Variants in VWA8 observed in about 807,000 individuals in gnomAD.
VWA8 encodes von Willebrand factor A domain-containing protein 8.
A neutral mutation model predicts 241.5 loss-of-function variants in VWA8; 221 were observed. The observed-to-expected ratio is 0.91, with a 90% CI of 0.82 to 1.02. VWA8 has a LOEUF of 1.02. VWA8 is among the 50% of genes least tolerant of loss of function. The pLI is 0.00. For missense variants in VWA8, 2,322 were observed against 2,328.7 expected (o/e 1.00, Z 0.06); for synonymous variants, 852 against 827.1 (o/e 1.03, Z -0.52).
intron 38 of VWA8, among the ~76,000 whole-genome samples, chr13:41,612,262 A>G (rs2044594006): frequency 6.6e-6 from 1 of 152,232 alleles, no homozygotes; most frequent in African/African-American, 2.4e-5. Flanking sequence ...ATGCACAGAG[A>G]GGCTAAATGA....
At chr13:41,772,854 G>T (rs1178298289) in intron 20 of VWA8, among the ~76,000 whole-genome samples, 1 of 152,126 alleles carries the variant, frequency 6.6e-6, no homozygotes, top group Non-Finnish European at 1.5e-5. Context: ...GCAAGAAAAA[G>T]GTGAAATTGG....
chr13:41,745,975 G>T (rs2045603129), intron 21 of VWA8, among the ~76,000 whole-genome samples: 1 of 151,964 alleles, frequency 6.6e-6, no homozygotes, highest in Non-Finnish European at 1.5e-5. Flanking sequence ...AAAAAAAAAG[G>T]ATTAAAAAGT....
At position 41,721,405 on chromosome 13, in the gene VWA8, T is replaced by C. The variant is rs577959675; in HGVS notation, c.2929A>G (p.Thr977Ala). 1.1e-5 allele frequency: 17 copies of C among 1,613,786 alleles called. No individual in the cohort carries two copies. In the Admixed American group the frequency reaches 2.7e-4, roughly 25 times the overall value. Reference sequence around the variant, plus strand: ...TTGACTATGTTGACAACTTCTCTGGTAGAATAAGGATAGTTAATAATCCCT... The same window carrying C: ...TTGACTATGTTGACAACTTCTCTGGCAGAATAAGGATAGTTAATAATCCCT... Reference protein sequence around the residue: ...DQGIINYPYSTREVVNIVKHL... With the variant: ...DQGIINYPYSAREVVNIVKHL... The change falls in exon 25 of 45, where the codon ACC becomes GCC. Residue 977 changes from threonine to alanine, a missense_variant. Transcript: ENST00000379310.
At chr13:41,638,624 C>T (rs2044774752) in intron 37 of VWA8, among the ~76,000 whole-genome samples, 1 of 152,112 alleles carries the variant, frequency 6.6e-6, no homozygotes, top group Admixed American at 6.5e-5. Context: ...GAATTTAGAA[C>T]ATGGAAGTTA....
chr13:41,880,269 T>A (rs1455696756), intron 9 of VWA8, among the ~76,000 whole-genome samples: 1 of 152,220 alleles, frequency 6.6e-6, no homozygotes, highest in African/African-American at 2.4e-5. Flanking sequence ...AACATTTTTT[T>A]AGCACATTTC....
intron 17 of VWA8, among the ~76,000 whole-genome samples, chr13:41,797,989 A>C (rs1869779962): frequency 1.3e-5 from 2 of 151,868 alleles, no homozygotes; most frequent in Admixed American, 1.3e-4. Flanking sequence ...TAACATTCCT[A>C]TTTGCTTATC....
At chr13:41,827,727 T>A (rs1871240632) in intron 14 of VWA8, among the ~76,000 whole-genome samples, 2 of 152,182 alleles carry the variant, frequency 1.3e-5, no homozygotes, top group African/African-American at 4.8e-5. Flanking sequence ...GTGACATAAA[T>A]CCATAGTGAT....
intron 37 of VWA8, among the ~76,000 whole-genome samples, chr13:41,657,367 T>C (rs1306290344): frequency 6.6e-6 from 1 of 152,202 alleles, no homozygotes; most frequent in African/African-American, 2.4e-5. Flanking sequence ...AGCTGAATTT[T>C]TGTCATATTC....
intron 35 of VWA8, among the ~76,000 whole-genome samples, chr13:41,675,950 G>A (rs2045057477): frequency 6.6e-6 from 1 of 152,088 alleles, no homozygotes. Flanking sequence ...GTGAGGATGG[G>A]GCAGTGGGGT....
intron 1 of VWA8, among the ~76,000 whole-genome samples, chr13:41,958,806 G>A (rs951218958): frequency 1.3e-5 from 2 of 152,162 alleles, no homozygotes; most frequent in African/African-American, 4.8e-5. Context: ...AAAGAAGATA[G>A]TATGTTCTCT....
chr13:41,729,194 T>C (rs1389187772), intron 23 of VWA8, among the ~76,000 whole-genome samples: 2 of 151,546 alleles, frequency 1.3e-5, no homozygotes, highest in Non-Finnish European at 2.9e-5. Context: ...AAATAAAAAG[T>C]CCAGCTTTTT....
chr13:41,679,455 G>C (rs1338730807), intron 35 of VWA8, among the ~76,000 whole-genome samples: 1 of 152,138 alleles, frequency 6.6e-6, no homozygotes, highest in Non-Finnish European at 1.5e-5. Context: ...AAACTGTGCT[G>C]ATACCAAATT....
intron 20 of VWA8, among the ~76,000 whole-genome samples, chr13:41,761,913 T>C (rs939208003): frequency 6.6e-6 from 1 of 152,038 alleles, no homozygotes. Flanking sequence ...ATATAATTAA[T>C]GGGGTGTAAA....
intron 37 of VWA8, among the ~76,000 whole-genome samples, chr13:41,617,888 A>ATTGATGGACATC (rs555607004): frequency 6.8e-6 from 1 of 147,086 alleles, no homozygotes; most frequent in African/African-American, 2.6e-5. Flanking sequence ...CCCGTCTATT[A>ATTGATGGACATC]TGGGTTGGTT....
intron 12 of VWA8, among the ~76,000 whole-genome samples, chr13:41,841,209 T>A (rs989820056): frequency 6.6e-6 from 1 of 152,142 alleles, no homozygotes; most frequent in Non-Finnish European, 1.5e-5. Context: ...AATGAACCCA[T>A]GAATAGATTG....
Position 41,719,658 on chromosome 13 carries a change from T to A in VWA8, c.3049A>T (p.Ile1017Phe). ...SYNNDMREIL[I>F]NTLHKYGIPI... ...ATCCCGTATTTGTGTAAAGTGTTAA[T>A]CAATATCTCCCTCATGTCATTGTTG... The change falls in exon 26 of 45, where the codon ATT (isoleucine) becomes TTT (phenylalanine). Residue 1017 changes from isoleucine (I) to phenylalanine (F), a missense_variant. By Grantham distance (21) the Ile-to-Phe change is conservative. Coordinates refer to ENST00000379310, the MANE Select transcript of VWA8 (RefSeq NM_015058.2). 1.9e-6 allele frequency: 3 copies of A among 1,613,242 alleles called. No individual in the cohort carries two copies. The highest frequency in any genetic ancestry group is 2.5e-6 in the Non-Finnish European group (3 of 1,179,456).
chr13:41,568,255 T>C lies in VWA8; in HGVS notation c.5660A>G (p.Lys1887Arg). 1 of 1,614,158 alleles carries C rather than the reference T, an allele frequency of 6.2e-7. No homozygotes were observed. Among genetic ancestry groups the C allele is most frequent in the African/African-American group, 1.3e-5 (1 of 75,050 alleles). The change falls in exon 45 of 45, where the codon AAG (lysine) becomes AGG (arginine). Residue 1887 changes from lysine to arginine, a missense_variant. Transcript: ENST00000379310. ...CTGTTGTAAAATCTGAGGGATATCC[T>C]TGGTATCCATGGCAACGAAAGACCG... ...AGRSFVAMDT[K>R]DIPQILQQIF...
intron 20 of VWA8, among the ~76,000 whole-genome samples, chr13:41,777,301 G>C (rs1346517578): frequency 6.6e-6 from 1 of 152,176 alleles, no homozygotes; most frequent in Non-Finnish European, 1.5e-5. Flanking sequence ...TATTCAGCCA[G>C]GGACAAGGGA....
At chr13:41,743,764 C>T (rs542981519) in intron 21 of VWA8, among the ~76,000 whole-genome samples, 1 of 152,300 alleles carries the variant, frequency 6.6e-6, no homozygotes, top group African/African-American at 2.4e-5. Context: ...CCTATCTTCT[C>T]ACCACTAGAA....
Sources: gnomAD v4.1 joint callset for allele counts (sites outside exome capture counted in the v4.1 genomes callset) on GRCh38, gnomAD v4.1.1 for gene constraint, MANE v1.5 for transcripts, NCBI Gene and HGNC (gene_info 2026-07-23, HGNC 2026-07-21) for gene names.